TMEM132C: variants seen among roughly 807,000 people sequenced by gnomAD.
The protein encoded by TMEM132C is transmembrane protein 132C, also known as protein phosphatase 1, regulatory subunit 152.
Under a neutral mutation model 61.4 loss-of-function variants are expected in TMEM132C, and 29 were observed. That is an observed-to-expected ratio of 0.47 (90% confidence interval 0.35 to 0.64). The LOEUF (loss-of-function observed/expected upper bound fraction) is 0.64, where lower values mean the gene tolerates loss of function less well. Among genes scored for constraint, TMEM132C ranks in the 30% least tolerant of loss-of-function variants. The pLI is 0.00. For synonymous variants in TMEM132C, 656 were observed against 633.1 expected (o/e 1.04, Z -0.54); for missense variants, 1,408 against 1,476.9 (o/e 0.95, Z 0.76).
chr12:128,302,742 C>G (rs1448848284), intron 1 of TMEM132C, among the ~76,000 whole-genome samples: 1 of 152,166 alleles, frequency 6.6e-6, no homozygotes, highest in Admixed American at 6.5e-5. Flanking sequence ...GACACAATAG[C>G]AAAACTTCAA....
At chr12:128,611,909 G>A (rs1190943772) in intron 3 of TMEM132C, among the ~76,000 whole-genome samples, 2 of 152,128 alleles carry the variant, frequency 1.3e-5, no homozygotes, top group African/African-American at 4.8e-5. Flanking sequence ...ACACCAAATC[G>A]CCCAGTGACT....
intron 2 of TMEM132C, among the ~76,000 whole-genome samples, chr12:128,511,162 C>T (rs563034581): frequency 1.1e-4 from 17 of 152,210 alleles, no homozygotes; most frequent in Admixed American, 2.0e-4. Flanking sequence ...GATTCAGCCA[C>T]GCTGCAGTCC....
intron 3 of TMEM132C, among the ~76,000 whole-genome samples, chr12:128,602,338 T>C (rs1335909749): frequency 6.6e-6 from 1 of 152,238 alleles, no homozygotes; most frequent in Non-Finnish European, 1.5e-5. Flanking sequence ...GCACTTGGTG[T>C]CTCCCCACAT....
chr12:128,591,275 C>T (rs1159028558), intron 3 of TMEM132C, among the ~76,000 whole-genome samples: 8 of 152,032 alleles, frequency 5.3e-5, no homozygotes, highest in East Asian at 1.9e-4. Flanking sequence ...CACCCCTCCC[C>T]GCCTCCCCCA....
intron 4 of TMEM132C, among the ~76,000 whole-genome samples, chr12:128,624,304 G>T (rs996405114): frequency 6.6e-6 from 1 of 152,056 alleles, no homozygotes; most frequent in Non-Finnish European, 1.5e-5. Flanking sequence ...CCAGCACTTT[G>T]GGAGCCCGAG....
chr12:128,569,219 C>T (rs556835366), intron 3 of TMEM132C, among the ~76,000 whole-genome samples: 1 of 152,190 alleles, frequency 6.6e-6, no homozygotes, highest in African/African-American at 2.4e-5. Flanking sequence ...AATTGGGAGT[C>T]TCCACAGTGT....
chr12:128,469,632 G>A (rs1021081210), intron 2 of TMEM132C, among the ~76,000 whole-genome samples: 5 of 146,212 alleles, frequency 3.4e-5, no homozygotes, highest in African/African-American at 1.4e-4. Context: ...TGCTTTGTGT[G>A]TGTGTGTTTG....
intron 5 of TMEM132C, among the ~76,000 whole-genome samples, chr12:128,680,244 AAG>A (rs1954623888): frequency 6.6e-6 from 1 of 152,172 alleles, no homozygotes; most frequent in Non-Finnish European, 1.5e-5. Context: ...GTACTACTCT[AAG>A]TCTTATTTTA....
chr12:128,272,798 C>T (rs1017352210), intron 1 of TMEM132C, among the ~76,000 whole-genome samples: 17 of 152,118 alleles, frequency 1.1e-4, no homozygotes, highest in African/African-American at 4.1e-4. Context: ...TAATTGCTGT[C>T]CTTATATTGT....
intron 2 of TMEM132C, among the ~76,000 whole-genome samples, chr12:128,509,471 G>A (rs139906892): frequency 1.3e-4 from 20 of 152,268 alleles, no homozygotes; most frequent in Non-Finnish European, 2.1e-4. Flanking sequence ...GTAAATCTGC[G>A]TTTTACACAA....
chr12:128,458,267 T>C (rs1479843908), intron 2 of TMEM132C, among the ~76,000 whole-genome samples: 7 of 99,264 alleles, frequency 7.1e-5, no homozygotes, highest in Non-Finnish European at 1.0e-4. Flanking sequence ...ATTATAATTA[T>C]ATAATTATAA....
At chr12:128,297,914 C>T (rs1871461775) in intron 1 of TMEM132C, among the ~76,000 whole-genome samples, 1 of 152,146 alleles carries the variant, frequency 6.6e-6, no homozygotes, top group South Asian at 2.1e-4. Flanking sequence ...GAAAACCCAA[C>T]AAAATATTTG....
intron 1 of TMEM132C, among the ~76,000 whole-genome samples, chr12:128,355,834 T>G (rs1873485704): frequency 6.6e-6 from 1 of 152,088 alleles, no homozygotes; most frequent in African/African-American, 2.4e-5. Flanking sequence ...CTTTGGAGCT[T>G]TACTTAAATG....
chr12:128,698,051 TCTC>T (rs1215308553), intron 8 of TMEM132C, among the ~76,000 whole-genome samples: 1 of 152,222 alleles, frequency 6.6e-6, no homozygotes, highest in East Asian at 1.9e-4. Flanking sequence ...AAAGCATGTT[TCTC>T]CTCCATGGGA....
chr12:128,399,598 G>C (rs1236540088), intron 1 of TMEM132C, among the ~76,000 whole-genome samples: 1 of 152,014 alleles, frequency 6.6e-6, no homozygotes, highest in East Asian at 1.9e-4. Context: ...TTCAATCAAA[G>C]AGGTAAACCT....
intron 4 of TMEM132C, among the ~76,000 whole-genome samples, chr12:128,629,006 AC>A (rs1565996393): frequency 6.6e-6 from 1 of 152,232 alleles, no homozygotes; most frequent in Non-Finnish European, 1.5e-5. Context: ...AGTAATTGTC[AC>A]ATGAGGAGGA....
chr12:128,635,693 G>C lies in TMEM132C; in HGVS notation c.1305+19358G>C, dbSNP rs575723767. ...CCACAGTGAAGTTGTAACCTCTCAG[G>C]GTTGCAGCAGAACATTGTAAGAGCC... is the stretch of plus-strand genomic sequence containing the variant. On this transcript the variant is annotated intron_variant, in intron 4 of 8. Transcript: ENST00000435159. Among the ~76,000 whole-genome samples the C allele has an allele frequency of 2.5e-4, 38 of 152,154 alleles. No individual in the cohort carries two copies. In the South Asian group the frequency reaches 4.2e-3, roughly 17 times the overall value.
chr12:128,268,346 T>G (rs144996672), intron 1 of TMEM132C, among the ~76,000 whole-genome samples: 2,379 of 152,202 alleles, frequency 0.016, 70 homozygotes, highest in African/African-American at 0.054. Flanking sequence ...TGCGGCCGAG[T>G]GGCCGCGCGG....
chr12:128,566,329 G>A (rs907946279), intron 3 of TMEM132C, among the ~76,000 whole-genome samples: 1 of 151,902 alleles, frequency 6.6e-6, no homozygotes, highest in African/African-American at 2.4e-5. Context: ...GAAAAAAAAT[G>A]ATTGACATTT....
Sources: gnomAD v4.1 joint callset for allele counts (sites outside exome capture counted in the v4.1 genomes callset) on GRCh38, gnomAD v4.1.1 for gene constraint, MANE v1.5 for transcripts, NCBI Gene and HGNC (gene_info 2026-07-23, HGNC 2026-07-21) for gene names.